Variants in ADAMTSL2 observed in about 807,000 individuals in gnomAD.
ADAMTSL2 encodes ADAMTS like 2.
Under a neutral mutation model 117.0 loss-of-function variants are expected in ADAMTSL2, and 55 were observed. The observed-to-expected ratio is 0.47, with a 90% CI of 0.38 to 0.59. The LOEUF (loss-of-function observed/expected upper bound fraction) is 0.59, where lower values mean the gene tolerates loss of function less well. Ranked by LOEUF, ADAMTSL2 falls within the 20% of genes least tolerant of loss-of-function variation. The pLI is 0.00. For synonymous variants in ADAMTSL2, 572 were observed against 566.4 expected (o/e 1.01, Z -0.14); for missense variants, 1,182 against 1,354.5 (o/e 0.87, Z 2.00).
At chr9:133,574,112 A>G in intron 18 of ADAMTSL2, 125 bp downstream of exon 18, 1 of 1,311,306 alleles carries the variant, frequency 7.6e-7, no homozygotes, top group Admixed American at 2.0e-5. Context: ...AGCTTGAGAG[A>G]CCAAGCTGTG....
chr9:133,574,091 G>A (rs1192273555), intron 18 of ADAMTSL2, 104 bp downstream of exon 18: 1 of 1,460,580 alleles, frequency 6.8e-7, no homozygotes, highest in East Asian at 2.5e-5. Context: ...TTGATGGCGA[G>A]CCTGGGAACC....
chr9:133,538,233 C>T (rs906168796), intron 3 of ADAMTSL2, 116 bp from the exon 4 acceptor site: 3 of 1,215,142 alleles, frequency 2.5e-6, no homozygotes, highest in African/African-American at 3.0e-5. Context: ...GAGGAAGGAG[C>T]CCTCTGGGTC....
intron 17 of ADAMTSL2, among the ~76,000 whole-genome samples, chr9:133,573,463 A>C (rs1831157032): frequency 6.6e-6 from 1 of 152,168 alleles, no homozygotes; most frequent in African/African-American, 2.4e-5. Context: ...CTCACTGTGC[A>C]TCTGGGGAGA....
chr9:133,563,835 GAGAGAGAGGGAGA>G (rs1830812579), intron 12 of ADAMTSL2, among the ~76,000 whole-genome samples: 4 of 82,492 alleles, frequency 4.8e-5, no homozygotes, highest in South Asian at 4.2e-4. Context: ...GAGAGAGAGA[GAGAGAGAGGGAGA>G]GAGAGAGAGA....
At chr9:133,572,236 A>G (rs13296923) in intron 17 of ADAMTSL2, among the ~76,000 whole-genome samples, 41,606 of 138,392 alleles carry the variant, frequency 0.3, 6,841 homozygotes, top group African/African-American at 0.48. Flanking sequence ...ATGCTTGTTC[A>G]GGAGGGAGAA....
chr9:133,538,802 A>G (rs1001253332), intron 4 of ADAMTSL2, among the ~76,000 whole-genome samples: 3 of 152,108 alleles, frequency 2.0e-5, no homozygotes, highest in Non-Finnish European at 4.4e-5. Context: ...CCCATGAAAC[A>G]GTACCCCCCA....
chr9:133,539,202 G>T (rs1394699300), intron 4 of ADAMTSL2, among the ~76,000 whole-genome samples: 3 of 152,318 alleles, frequency 2.0e-5, no homozygotes, highest in Admixed American at 2.0e-4. Context: ...AGCCAGGGTT[G>T]GGGGAGGGGC....
intron 8 of ADAMTSL2, among the ~76,000 whole-genome samples, 169 bp from the exon 9 acceptor site, chr9:133,546,869 C>A (rs1830360400): frequency 6.6e-6 from 1 of 152,146 alleles, no homozygotes; most frequent in South Asian, 2.1e-4. Flanking sequence ...TGCGTTTGCC[C>A]CTCCTCCGCA....
intron 12 of ADAMTSL2, among the ~76,000 whole-genome samples, chr9:133,566,552 G>A (rs1046532168): frequency 6.6e-6 from 1 of 152,162 alleles, no homozygotes; most frequent in Non-Finnish European, 1.5e-5. Context: ...GGCTGGAGCC[G>A]TCAGATGTCA....
intron 12 of ADAMTSL2, among the ~76,000 whole-genome samples, chr9:133,566,202 G>A (rs1318545621): frequency 1.3e-5 from 2 of 152,242 alleles, no homozygotes; most frequent in Non-Finnish European, 2.9e-5. Context: ...AGCACTTTGG[G>A]AGGCCAAGGC....
chr9:133,564,353 GGAGA>G (rs1380488113), intron 12 of ADAMTSL2, among the ~76,000 whole-genome samples: 1 of 23,830 alleles, frequency 4.2e-5, no homozygotes, highest in African/African-American at 1.9e-4. Context: ...AAAGAGAGAG[GGAGA>G]GAGAGAGGGA....
chr9:133,570,627 G>A, intron 17 of ADAMTSL2, 120 bp downstream of exon 17: 1 of 1,137,658 alleles, frequency 8.8e-7, no homozygotes, highest in Non-Finnish European at 1.3e-6. Context: ...CAGCCTCTGT[G>A]AGGGCTTTCC....
chr9:133,574,077 C>T, intron 18 of ADAMTSL2, 90 bp downstream of exon 18: 1 of 1,500,346 alleles, frequency 6.7e-7, no homozygotes, highest in East Asian at 2.5e-5. Context: ...AGACATTGCT[C>T]ACCTTGATGG....
At position 133,540,886 on chromosome 9, in the gene ADAMTSL2, C is replaced by T. The variant is rs28734006; in HGVS notation, c.567C>T (p.Gly189=). ...VCVSGKCEPI[G]CDGVLFSTHT... Reference sequence around the variant, plus strand: ...CCTCTCCCTTCCTGCAGCCCATCGGCTGTGACGGGGTGCTTTTCTCCACCC... The same window carrying T: ...CCTCTCCCTTCCTGCAGCCCATCGGTTGTGACGGGGTGCTTTTCTCCACCC... Residue 189 remains glycine, a synonymous_variant, in exon 7 of 19, where the codon GGC becomes GGT. Transcript: ENST00000651351. 6.2e-7 allele frequency: 1 copy of T among 1,613,344 alleles called. No individual in the cohort carries two copies. The highest frequency in any genetic ancestry group is 1.1e-5 in the South Asian group (1 of 91,088).
Position 133,574,951 on chromosome 9 carries a change from C to T in ADAMTSL2, c.*87C>T, listed in dbSNP as rs71505207. On this transcript the variant is annotated 3_prime_UTR_variant, in exon 19 of 19. Coordinates refer to ENST00000651351, the MANE Select transcript of ADAMTSL2 (RefSeq NM_014694.4). ...TTCTGGGGCCTCCACAGACCCCCCT[C>T]CTGCGGGGCACGCTGGCCTAAGAGA... 7 of 1,038,358 alleles carry T rather than the reference C, an allele frequency of 6.7e-6. No individual in the cohort carries two copies. Among genetic ancestry groups the T allele is most frequent in the East Asian group, 2.4e-5 (1 of 41,148 alleles). 64.3% of individuals were successfully genotyped at this position (1,038,358 alleles called of 1,614,324 possible).
chr9:133,540,269 C>T (rs544031423), intron 5 of ADAMTSL2, among the ~76,000 whole-genome samples: 14 of 152,234 alleles, frequency 9.2e-5, no homozygotes, highest in Non-Finnish European at 2.1e-4. Flanking sequence ...CCTGCTCACC[C>T]GCAAGGGCCA....
At chr9:133,541,311 CAG>C (rs1356329984) in intron 7 of ADAMTSL2, among the ~76,000 whole-genome samples, 1 of 145,708 alleles carries the variant, frequency 6.9e-6, no homozygotes, top group South Asian at 2.1e-4. Context: ...TTTTTTGAGA[CAG>C]AGTCTTGCTC....
intron 18 of ADAMTSL2, 110 bp downstream of exon 18, chr9:133,574,097 G>A (rs1831173423): frequency 7.0e-7 from 1 of 1,431,418 alleles, no homozygotes; most frequent in Non-Finnish European, 9.5e-7. Context: ...GCGAGCCTGG[G>A]AACCAGCTTG....
chr9:133,543,440 C>T (rs140955686), intron 7 of ADAMTSL2, among the ~76,000 whole-genome samples: 3,526 of 152,338 alleles, frequency 0.023, 53 homozygotes, highest in Non-Finnish European at 0.035. Context: ...TTGGCCACAG[C>T]GGGGGTGTTT....
Sources: allele counts gnomAD v4.1 joint callset (sites outside exome capture counted in the v4.1 genomes callset), GRCh38; gene constraint gnomAD v4.1.1; transcripts MANE v1.5; gene names NCBI Gene and HGNC (gene_info 2026-07-23, HGNC 2026-07-21).